The following TNR variants were observed in gnomAD, a reference collection of about 807,000 sequenced individuals.
TNR encodes the protein tenascin-R.
Under a neutral mutation model 150.4 loss-of-function variants are expected in TNR, and 45 were observed. That is an observed-to-expected ratio of 0.30 (90% CI 0.24 to 0.38). The LOEUF is 0.38. TNR is among the 10% of genes least tolerant of loss of function. The pLI is 1.00. For synonymous variants in TNR, 687 were observed against 678.4 expected (o/e 1.01, Z -0.20); for missense variants, 1,544 against 1,759.1 (o/e 0.88, Z 2.19).
At chr1:175,382,000 A>C (rs1350784359) in intron 8 of TNR, among the ~76,000 whole-genome samples, 1 of 152,236 alleles carries the variant, frequency 6.6e-6, no homozygotes, top group Admixed American at 6.5e-5. Flanking sequence ...CCAGATCCTC[A>C]CATGGCTTAG....
rs1394338286 is a variant in TNR, at chr1:175,363,814, T to C, written c.2601A>G (p.Pro867=). The part of the protein sequence containing the change: ...VGSITTGIDP[P]KDITISNVTK... ...TCACATTGCTAATTGTGATGTCTTT[T>C]GGGGGATCAATTCCTACAAGGACCC... Residue 867 remains proline, a synonymous_variant, in exon 13 of 23, where the codon CCA becomes CCG. Coordinates refer to ENST00000367674, the MANE Select transcript of TNR (RefSeq NM_003285.3). 4 of 1,612,760 alleles carry C rather than the reference T, an allele frequency of 2.5e-6. No individual in the cohort carries two copies. The highest frequency in any genetic ancestry group is 3.4e-6 in the Non-Finnish European group (4 of 1,179,336).
Position 175,514,723 on chromosome 1 carries a change from G to A in TNR, c.-64+13546C>T, listed in dbSNP as rs565902384. Among the ~76,000 whole-genome samples the A allele has an allele frequency of 8.7e-4, 133 of 152,332 alleles. 1 individual carries two copies. The highest frequency in any genetic ancestry group is 2.2e-3 in the Admixed American group (33 of 15,300). On this transcript the variant is annotated intron_variant, in intron 2 of 22. Coordinates refer to ENST00000367674, the MANE Select transcript of TNR (RefSeq NM_003285.3). Reference sequence around the variant, plus strand: ...ACAGGCTTGATTTTAAGTTAAGTGAGCATGACGAGCACGTTGTTAAAAACT... The same window carrying A: ...ACAGGCTTGATTTTAAGTTAAGTGAACATGACGAGCACGTTGTTAAAAACT...
chr1:175,469,516 G>C (rs1264214776), intron 2 of TNR, among the ~76,000 whole-genome samples: 1 of 151,934 alleles, frequency 6.6e-6, no homozygotes, highest in Non-Finnish European at 1.5e-5. Flanking sequence ...ATCAAGCAGG[G>C]GACTGAGGTT....
chr1:175,507,032 G>T (rs1658984130), intron 2 of TNR, among the ~76,000 whole-genome samples: 1 of 152,168 alleles, frequency 6.6e-6, no homozygotes, highest in Non-Finnish European at 1.5e-5. Flanking sequence ...GGCACAGAGG[G>T]TCATGAAGCC....
chr1:175,392,724 T>G (rs1653237096), intron 6 of TNR, among the ~76,000 whole-genome samples: 1 of 152,190 alleles, frequency 6.6e-6, no homozygotes, highest in Admixed American at 6.5e-5. Flanking sequence ...ACAGATTTAG[T>G]GAACAGAGCC....
At chr1:175,591,119 C>A (rs939162780) in intron 1 of TNR, among the ~76,000 whole-genome samples, 4 of 152,186 alleles carry the variant, frequency 2.6e-5, no homozygotes, top group Admixed American at 2.6e-4. Flanking sequence ...GATGCCACAT[C>A]CTCCTGGCCA....
At chr1:175,381,068 T>C (rs1231214000) in intron 8 of TNR, among the ~76,000 whole-genome samples, 1 of 152,236 alleles carries the variant, frequency 6.6e-6, no homozygotes, top group Non-Finnish European at 1.5e-5. Flanking sequence ...TCCTGAGAAA[T>C]TCTTCCTCAC....
intron 2 of TNR, among the ~76,000 whole-genome samples, chr1:175,453,586 G>A (rs922500558): frequency 6.6e-6 from 1 of 151,978 alleles, no homozygotes. Flanking sequence ...TCAGAGACAA[G>A]GCATCTCTCT....
At chr1:175,379,196 A>T (rs1652551548) in intron 9 of TNR, among the ~76,000 whole-genome samples, 1 of 125,386 alleles carries the variant, frequency 8.0e-6, no homozygotes, top group South Asian at 2.5e-4. Flanking sequence ...AAAAAAAAAA[A>T]AAAAAGTCAC....
chr1:175,459,451 C>T (rs1656719688), intron 2 of TNR, among the ~76,000 whole-genome samples: 1 of 152,212 alleles, frequency 6.6e-6, no homozygotes, highest in African/African-American at 2.4e-5. Context: ...AGATTTATTT[C>T]TCCTGCTCTC....
intron 2 of TNR, among the ~76,000 whole-genome samples, chr1:175,463,520 G>C (rs1360579569): frequency 6.6e-6 from 1 of 152,218 alleles, no homozygotes; most frequent in Admixed American, 6.5e-5. Flanking sequence ...GGTGCCTCTT[G>C]ATTCCAGAGT....
Position 175,321,835 on chromosome 1 carries a change from A to G in TNR, c.*1522T>C, listed in dbSNP as rs1328392237. 6.6e-6 allele frequency: 1 copy of G among 152,120 alleles called. No homozygotes were observed. Among genetic ancestry groups the G allele is most frequent in the African/African-American group, 2.4e-5 (1 of 41,412 alleles). The allele number at this position is 152,120 out of a possible 1,614,324, so 9.4% of individuals were successfully genotyped here. ...AGATGGAAAGGCTTCTCATGATCTC[A>G]CCTCATTAAGAAGGTCATTCCTGTT... On this transcript the variant is annotated 3_prime_UTR_variant, in exon 23 of 23. Coordinates refer to ENST00000367674, the MANE Select transcript of TNR (RefSeq NM_003285.3).
intron 1 of TNR, among the ~76,000 whole-genome samples, chr1:175,674,707 C>T (rs972448485): frequency 2.6e-5 from 4 of 152,260 alleles, no homozygotes; most frequent in South Asian, 2.1e-4. Context: ...AATGTCCTAG[C>T]GCCAGGCCAG....
At chr1:175,708,243 G>T (rs893958521) in intron 1 of TNR, among the ~76,000 whole-genome samples, 1 of 152,150 alleles carries the variant, frequency 6.6e-6, no homozygotes, top group Non-Finnish European at 1.5e-5. Flanking sequence ...TTGAGGCAGG[G>T]CCACCTCCTT....
intron 1 of TNR, among the ~76,000 whole-genome samples, chr1:175,714,067 C>G (rs1667089536): frequency 6.6e-6 from 1 of 151,776 alleles, no homozygotes; most frequent in Non-Finnish European, 1.5e-5. Flanking sequence ...TCTCTATGTG[C>G]TGTTCTGTCC....
At chr1:175,324,615 A>C (rs1252261438) in intron 21 of TNR, 96 bp from the exon 22 acceptor site, 100 of 1,389,800 alleles carry the variant, frequency 7.2e-5, no homozygotes, top group Non-Finnish European at 9.6e-5. Flanking sequence ...CCTGGCTTCC[A>C]CTTATGGAAC....
chr1:175,522,140 TA>T (rs1571556812), intron 2 of TNR, among the ~76,000 whole-genome samples: 2 of 152,192 alleles, frequency 1.3e-5, no homozygotes, highest in African/African-American at 4.8e-5. Context: ...TTCTCCTGCC[TA>T]AATGCCACAG....
chr1:175,641,064 G>A (rs1445766173), intron 1 of TNR, among the ~76,000 whole-genome samples: 1 of 151,994 alleles, frequency 6.6e-6, no homozygotes, highest in East Asian at 1.9e-4. Flanking sequence ...ATTGTACCTC[G>A]ATAATAAAAG....
At chr1:175,512,501 A>G (rs1421847701) in intron 2 of TNR, among the ~76,000 whole-genome samples, 1 of 152,192 alleles carries the variant, frequency 6.6e-6, no homozygotes, top group Non-Finnish European at 1.5e-5. Flanking sequence ...CCTCCCTCCA[A>G]CATATCCCTA....
Sources: gnomAD v4.1 joint callset for allele counts (sites outside exome capture counted in the v4.1 genomes callset) on GRCh38, gnomAD v4.1.1 for gene constraint, MANE v1.5 for transcripts, NCBI Gene and HGNC (gene_info 2026-07-23, HGNC 2026-07-21) for gene names.